WWOX: variants seen among roughly 807,000 people sequenced by gnomAD.
WWOX encodes WW domain containing oxidoreductase.
Under a neutral mutation model 46.2 loss-of-function variants are expected in WWOX, and 69 were observed. That is an observed-to-expected ratio of 1.49 (90% CI 1.23 to 1.82). The LOEUF is 1.82. WWOX is among the 40% of genes most tolerant of loss of function. The pLI, the probability that WWOX is intolerant of heterozygous loss-of-function variation, is 0.00. For missense variants in WWOX, 919 were observed against 542.6 expected, an observed-to-expected ratio of 1.69 and a Z score of -6.89; for synonymous variants, 359 against 202.6, an observed-to-expected ratio of 1.77 and a Z score of -6.56.
At chr16:78,643,679 G>T (rs1273496937) in intron 8 of WWOX, among the ~76,000 whole-genome samples, 2 of 152,062 alleles carry the variant, frequency 1.3e-5, no homozygotes, top group Non-Finnish European at 1.5e-5. Flanking sequence ...CGTTGTAAAT[G>T]ATTGTCTCAC....
intron 8 of WWOX, among the ~76,000 whole-genome samples, chr16:78,970,846 G>A (rs1045518515): frequency 6.6e-6 from 1 of 152,104 alleles, no homozygotes; most frequent in Non-Finnish European, 1.5e-5. Flanking sequence ...TTGGAGTGAT[G>A]GCTTCAGGCA....
At chr16:78,113,416 C>G (rs1184639516) in intron 3 of WWOX, among the ~76,000 whole-genome samples, 1 of 152,218 alleles carries the variant, frequency 6.6e-6, no homozygotes, top group Non-Finnish European at 1.5e-5. Flanking sequence ...GCTAAAGCAG[C>G]TATACACAAT....
chr16:78,645,133 C>T (rs1286929098), intron 8 of WWOX, among the ~76,000 whole-genome samples: 2 of 152,160 alleles, frequency 1.3e-5, no homozygotes, highest in African/African-American at 4.8e-5. Flanking sequence ...GGTCTGCTTG[C>T]TGTTACCAGA....
chr16:78,121,084 T>C (rs1161770758), intron 4 of WWOX, among the ~76,000 whole-genome samples: 1 of 152,202 alleles, frequency 6.6e-6, no homozygotes, highest in Non-Finnish European at 1.5e-5. Context: ...TATGAGATCA[T>C]TGCACTTGGG....
At chr16:78,471,640 T>C (rs1481357351) in intron 8 of WWOX, among the ~76,000 whole-genome samples, 1 of 152,222 alleles carries the variant, frequency 6.6e-6, no homozygotes, top group African/African-American at 2.4e-5. Flanking sequence ...TGAGACACAT[T>C]TATATTAGGG....
intron 8 of WWOX, among the ~76,000 whole-genome samples, chr16:78,635,914 G>T (rs6564570): frequency 2.6e-5 from 4 of 152,088 alleles, no homozygotes; most frequent in Admixed American, 2.0e-4. Flanking sequence ...AAAGTGCCTC[G>T]TATTATACAG....
At chr16:78,603,492 C>T (rs1440211528) in intron 8 of WWOX, among the ~76,000 whole-genome samples, 8 of 152,112 alleles carry the variant, frequency 5.3e-5, no homozygotes, top group South Asian at 2.1e-4. Flanking sequence ...GCCAGGAGTT[C>T]GAGACCAGCC....
intron 5 of WWOX, among the ~76,000 whole-genome samples, chr16:78,195,828 A>AG (rs1189563863): frequency 6.7e-6 from 1 of 150,232 alleles, no homozygotes; most frequent in Non-Finnish European, 1.5e-5. Flanking sequence ...CCTCAAAAAA[A>AG]AAAAAAAAAA....
chr16:78,416,438 A>T (rs1320573015), intron 6 of WWOX, among the ~76,000 whole-genome samples: 1 of 152,228 alleles, frequency 6.6e-6, no homozygotes, highest in African/African-American at 2.4e-5. Context: ...TAGAGGTGAC[A>T]AGTTTTAGGT....
chr16:78,376,642 G>C (rs928218024), intron 5 of WWOX, among the ~76,000 whole-genome samples: 2 of 152,148 alleles, frequency 1.3e-5, no homozygotes, highest in South Asian at 4.1e-4. Flanking sequence ...GGGCTGTTCT[G>C]TTCGTTGTAA....
chr16:78,684,429 G>A (rs546947477), intron 8 of WWOX, among the ~76,000 whole-genome samples: 6 of 152,336 alleles, frequency 3.9e-5, no homozygotes, highest in African/African-American at 7.2e-5. Flanking sequence ...GGCCAAGTGA[G>A]TTGGAATGAC....
intron 5 of WWOX, among the ~76,000 whole-genome samples, chr16:78,358,084 GTTCT>G (rs2081335570): frequency 6.6e-6 from 1 of 152,148 alleles, no homozygotes; most frequent in African/African-American, 2.4e-5. Context: ...CTTGGAACTA[GTTCT>G]TTGTTTTTGT....
chr16:78,264,251 C>G (rs934254624), intron 5 of WWOX, among the ~76,000 whole-genome samples: 1 of 151,880 alleles, frequency 6.6e-6, no homozygotes, highest in Non-Finnish European at 1.5e-5. Context: ...TCCTGAAAGC[C>G]TACTTTGGGC....
chr16:78,400,899 C>G (rs2082397049), intron 6 of WWOX, among the ~76,000 whole-genome samples: 1 of 152,252 alleles, frequency 6.6e-6, no homozygotes, highest in Non-Finnish European at 1.5e-5. Context: ...TCACAGCTCA[C>G]TATGGCCTCA....
chr16:78,436,197 T>G (rs1166642723), intron 8 of WWOX, among the ~76,000 whole-genome samples: 1 of 152,146 alleles, frequency 6.6e-6, no homozygotes, highest in East Asian at 1.9e-4. Context: ...TTCTCCAAAA[T>G]GTAATCTCTG....
chr16:78,767,539 A>G (rs931504395), intron 8 of WWOX, among the ~76,000 whole-genome samples: 1 of 151,616 alleles, frequency 6.6e-6, no homozygotes, highest in Non-Finnish European at 1.5e-5. Flanking sequence ...ACATTGTACC[A>G]ATATCTATTC....
At chr16:78,374,042 C>T (rs2081758959) in intron 5 of WWOX, among the ~76,000 whole-genome samples, 1 of 152,234 alleles carries the variant, frequency 6.6e-6, no homozygotes, top group Non-Finnish European at 1.5e-5. Context: ...CCGCCTTGGC[C>T]TCCCACAGTG....
chr16:78,534,960 T>A (rs1348772753), intron 8 of WWOX, among the ~76,000 whole-genome samples: 1 of 152,094 alleles, frequency 6.6e-6, no homozygotes, highest in Non-Finnish European at 1.5e-5. Flanking sequence ...GATCTGTTCG[T>A]CTCAGCCTCC....
intron 8 of WWOX, among the ~76,000 whole-genome samples, chr16:78,575,035 AT>A (rs2044829024): frequency 1.4e-3 from 3 of 2,210 alleles, no homozygotes; most frequent in African/African-American, 6.5e-3. Flanking sequence ...ATATATATAT[AT>A]ATATATATAT....
Sources: gnomAD v4.1 joint callset for allele counts (sites outside exome capture counted in the v4.1 genomes callset) on GRCh38, gnomAD v4.1.1 for gene constraint, MANE v1.5 for transcripts, NCBI Gene and HGNC (gene_info 2026-07-23, HGNC 2026-07-21) for gene names.